The following ERC2 variants were observed in gnomAD, a reference collection of about 807,000 sequenced individuals.
The protein encoded by ERC2 is ELKS/RAB6-interacting/CAST family member 2, also known as ERC protein 2.
Under a neutral mutation model 114.8 loss-of-function variants are expected in ERC2, and 42 were observed. The observed-to-expected ratio is 0.37, with a 90% CI of 0.29 to 0.47. The LOEUF is 0.47. Ranked by LOEUF, ERC2 falls within the 20% of genes least tolerant of loss-of-function variation. The pLI, the probability that ERC2 is intolerant of heterozygous loss-of-function variation, is 0.99. For missense variants in ERC2, 939 were observed against 1,150.7 expected, an observed-to-expected ratio of 0.82 and a Z score of 2.66; for synonymous variants, 454 against 425.5, an observed-to-expected ratio of 1.07 and a Z score of -0.82.
At chr3:55,530,792 A>G (rs1242142383) in intron 17 of ERC2, among the ~76,000 whole-genome samples, 1 of 152,218 alleles carries the variant, frequency 6.6e-6, no homozygotes, top group Non-Finnish European at 1.5e-5. Flanking sequence ...TCACTGGGAA[A>G]TCAAATCCAA....
intron 2 of ERC2, among the ~76,000 whole-genome samples, chr3:56,349,636 G>A (rs978508327): frequency 2.0e-5 from 3 of 152,200 alleles, no homozygotes; most frequent in East Asian, 1.9e-4. Context: ...GGCCAGGCGC[G>A]TGGCTCACGC....
intron 14 of ERC2, among the ~76,000 whole-genome samples, chr3:55,838,693 C>T (rs1298518925): frequency 6.6e-5 from 10 of 151,808 alleles, no homozygotes; most frequent in Non-Finnish European, 1.5e-4. Flanking sequence ...GTTGATAAAT[C>T]TCTAGGCATA....
intron 1 of ERC2, 30 bp downstream of exon 1, chr3:56,468,218 G>GCGGCCC (rs1242904097): frequency 4.6e-5 from 7 of 152,090 alleles, no homozygotes. Flanking sequence ...CGGGCACCAG[G>GCGGCCC]CGGCCCCGGC....
chr3:56,353,388 C>T (rs188010944), intron 2 of ERC2, among the ~76,000 whole-genome samples: 55 of 151,880 alleles, frequency 3.6e-4, no homozygotes, highest in East Asian at 2.3e-3. Flanking sequence ...CTAAATATCC[C>T]CCAAAAGGAA....
intron 1 of ERC2, among the ~76,000 whole-genome samples, chr3:56,444,550 A>G (rs1424157850): frequency 1.3e-5 from 2 of 152,228 alleles, no homozygotes; most frequent in South Asian, 2.1e-4. Context: ...GAATTCATAA[A>G]TAAGATATAC....
At chr3:56,079,789 G>A (rs1250400548) in intron 7 of ERC2, among the ~76,000 whole-genome samples, 11 of 152,134 alleles carry the variant, frequency 7.2e-5, no homozygotes, top group African/African-American at 1.4e-4. Flanking sequence ...GACATGAACC[G>A]TTTTATGCAT....
chr3:55,747,840 T>G (rs368099065), intron 14 of ERC2, among the ~76,000 whole-genome samples: 1 of 152,250 alleles, frequency 6.6e-6, no homozygotes, highest in African/African-American at 2.4e-5. Flanking sequence ...CTTGCACTGC[T>G]AAGCAACGGT....
At chr3:55,827,299 G>GAGAAAGAA (rs148957184) in intron 14 of ERC2, among the ~76,000 whole-genome samples, 84 of 150,604 alleles carry the variant, frequency 5.6e-4, no homozygotes, top group African/African-American at 9.8e-4. Flanking sequence ...AAAAAAGGAA[G>GAGAAAGAA]AGAAAGAAAG....
At chr3:56,247,344 A>G (rs1332431244) in intron 3 of ERC2, among the ~76,000 whole-genome samples, 1 of 152,246 alleles carries the variant, frequency 6.6e-6, no homozygotes, top group Non-Finnish European at 1.5e-5. Context: ...GAATATGCAC[A>G]CCTAAGAAGC....
chr3:55,971,752 T>C (rs1212920105), intron 12 of ERC2, among the ~76,000 whole-genome samples: 2 of 152,144 alleles, frequency 1.3e-5, no homozygotes, highest in Non-Finnish European at 2.9e-5. Flanking sequence ...CTGGATATCC[T>C]ACATACATCT....
intron 3 of ERC2, among the ~76,000 whole-genome samples, chr3:56,258,563 A>C (rs1014048389): frequency 1.3e-5 from 2 of 152,208 alleles, no homozygotes; most frequent in African/African-American, 4.8e-5. Context: ...CTGAGGTAGG[A>C]GAATGGCGTG....
chr3:55,945,638 C>T (rs1456074673), intron 13 of ERC2, among the ~76,000 whole-genome samples: 1 of 151,918 alleles, frequency 6.6e-6, no homozygotes, highest in Non-Finnish European at 1.5e-5. Context: ...TAAAGGAAGT[C>T]CCCTTCGAAA....
intron 14 of ERC2, among the ~76,000 whole-genome samples, chr3:55,780,182 A>G (rs1321007302): frequency 6.6e-6 from 1 of 152,206 alleles, no homozygotes; most frequent in Non-Finnish European, 1.5e-5. Flanking sequence ...ATTCCACCTA[A>G]AACAATAAGA....
At chr3:56,044,867 A>G (rs2075379762) in intron 7 of ERC2, among the ~76,000 whole-genome samples, 2 of 152,140 alleles carry the variant, frequency 1.3e-5, no homozygotes, top group African/African-American at 2.4e-5. Flanking sequence ...CAGACTGAAA[A>G]ATAGAAACAT....
chr3:56,306,844 G>A (rs1356754355), intron 2 of ERC2, among the ~76,000 whole-genome samples: 1 of 152,122 alleles, frequency 6.6e-6, no homozygotes, highest in African/African-American at 2.4e-5. Flanking sequence ...AAATGTCTCA[G>A]CATCTCTGAA....
intron 7 of ERC2, among the ~76,000 whole-genome samples, chr3:56,028,302 G>T (rs1180547997): frequency 3.9e-5 from 6 of 152,002 alleles, no homozygotes; most frequent in Non-Finnish European, 7.4e-5. Context: ...CTTTTCATAA[G>T]AAATTTATAA....
chr3:56,363,890 GGGAAGGGAA>G (rs1050486104), intron 2 of ERC2, among the ~76,000 whole-genome samples: 11 of 150,944 alleles, frequency 7.3e-5, no homozygotes, highest in East Asian at 3.9e-4. Flanking sequence ...AAAGGGGGAG[GGGAAGGGAA>G]GGAAGGGAAG....
chr3:56,023,523 C>G (rs1158084126), intron 7 of ERC2, among the ~76,000 whole-genome samples: 1 of 152,088 alleles, frequency 6.6e-6, no homozygotes, highest in Non-Finnish European at 1.5e-5. Flanking sequence ...TCTACTCAAA[C>G]CTTTAGATAT....
intron 14 of ERC2, among the ~76,000 whole-genome samples, chr3:55,785,170 G>A (rs2149062052): frequency 6.6e-6 from 1 of 152,286 alleles, no homozygotes; most frequent in Admixed American, 6.5e-5. Flanking sequence ...TTACCCGAAG[G>A]CAAGATAATT....
Sources: gnomAD v4.1 joint callset for allele counts (sites outside exome capture counted in the v4.1 genomes callset) on GRCh38, gnomAD v4.1.1 for gene constraint, MANE v1.5 for transcripts, NCBI Gene and HGNC (gene_info 2026-07-23, HGNC 2026-07-21) for gene names.